EXOG: variants seen among roughly 807,000 people sequenced by gnomAD.
EXOG encodes the protein nuclease EXOG, mitochondrial.
A neutral mutation model predicts 25.8 loss-of-function variants in EXOG; 27 were observed. The ratio of observed to expected loss-of-function variants is 1.05; its 90% CI spans 0.77 to 1.45. EXOG has a LOEUF of 1.45. EXOG is among the 40% of genes most tolerant of loss of function. The pLI is 0.00. For synonymous variants in EXOG, 133 were observed against 167.0 expected (o/e 0.80, Z 1.57); for missense variants, 458 against 450.5 (o/e 1.02, Z -0.15).
At chr3:38,497,396 G>A (rs2059923270) in intron 1 of EXOG, 6 of 1,274,864 alleles carry the variant, frequency 4.7e-6, no homozygotes, top group Non-Finnish European at 5.9e-6. Context: ...TGCAGTAGCT[G>A]CATTTTATTC....
chr3:38,514,223 C>T (rs1265272411), intron 5 of EXOG, among the ~76,000 whole-genome samples: 1 of 152,216 alleles, frequency 6.6e-6, no homozygotes, highest in Non-Finnish European at 1.5e-5. Flanking sequence ...TTTTAAAGCA[C>T]ACACTGGCTT....
chr3:38,497,283 G>A (rs1174306291), intron 1 of EXOG: 5 of 1,036,534 alleles, frequency 4.8e-6, no homozygotes, highest in Non-Finnish European at 5.8e-6. Flanking sequence ...AACAGTACCA[G>A]TTTTACTGTC....
chr3:38,502,252 CAG>C (rs139310872), intron 3 of EXOG, among the ~76,000 whole-genome samples: 16,648 of 151,268 alleles, frequency 0.11, 1,467 homozygotes, highest in African/African-American at 0.22. Flanking sequence ...TAATTAGAGA[CAG>C]AGTCTCGCTT....
intron 4 of EXOG, among the ~76,000 whole-genome samples, chr3:38,504,645 A>G (rs1331356215): frequency 6.6e-6 from 1 of 152,102 alleles, no homozygotes; most frequent in Non-Finnish European, 1.5e-5. Flanking sequence ...TATGTTGGCC[A>G]GGCTAGTCTT....
In EXOG at chr3:38,514,933, G is replaced by T. The variant is rs1007189553; in HGVS notation, c.645+7965G>T. On this transcript the variant is annotated intron_variant, in intron 5 of 5. Transcript: ENST00000287675. Reference sequence around the variant, plus strand: ...TTACAGGCACCTGCCACCACATTTGGCTAATTTTTTATATTTTTAGTAGAG... The same window carrying T: ...TTACAGGCACCTGCCACCACATTTGTCTAATTTTTTATATTTTTAGTAGAG... Among the ~76,000 whole-genome samples the T allele has an allele frequency of 9.9e-5, 15 of 151,992 alleles. No individual in the cohort carries two copies. The South Asian group carries it at 1.7e-3, about 17-fold the overall frequency.
At chr3:38,523,257 C>T (rs1245770715) in intron 5 of EXOG, 2 of 1,286,326 alleles carry the variant, frequency 1.6e-6, no homozygotes, top group Admixed American at 2.3e-5. Context: ...GAGAAAATGA[C>T]AGCTTTTCTT....
chr3:38,502,966 C>T (rs2060093201), intron 3 of EXOG, among the ~76,000 whole-genome samples: 4 of 152,152 alleles, frequency 2.6e-5, no homozygotes, highest in Admixed American at 2.6e-4. Flanking sequence ...ACCTGAACCT[C>T]ATACTTACAA....
At chr3:38,506,036 T>C (rs938495767) in intron 4 of EXOG, among the ~76,000 whole-genome samples, 4 of 149,176 alleles carry the variant, frequency 2.7e-5, no homozygotes, top group African/African-American at 9.9e-5. Flanking sequence ...TACTTGCCAT[T>C]TGGGCACCTG....
chr3:38,516,350 A>G (rs1341971341), intron 5 of EXOG, among the ~76,000 whole-genome samples: 1 of 152,168 alleles, frequency 6.6e-6, no homozygotes, highest in Non-Finnish European at 1.5e-5. Flanking sequence ...CTTTGCTTTT[A>G]GCAGGTTAAT....
chr3:38,525,151 A>G lies in EXOG; in HGVS notation c.*789A>G, dbSNP rs999663813. On this transcript the variant is annotated 3_prime_UTR_variant, in exon 6 of 6. Coordinates refer to ENST00000287675, the MANE Select transcript of EXOG (RefSeq NM_005107.4). ...CTCAGTGCTTTACATGTGTTGTCTC[A>G]CAATGACTCTCTGAGGTAAATACAC... 18 of 923,394 alleles carry G rather than the reference A, an allele frequency of 1.9e-5. No homozygotes were observed. Among genetic ancestry groups the G allele is most frequent in the Admixed American group, 6.2e-5 (1 of 16,186 alleles). 57.2% of individuals were successfully genotyped at this position (923,394 alleles called of 1,614,324 possible).
chr3:38,500,322 G>A (rs1575609949), intron 2 of EXOG, among the ~76,000 whole-genome samples: 1 of 152,106 alleles, frequency 6.6e-6, no homozygotes, highest in African/African-American at 2.4e-5. Flanking sequence ...TTTTCTCAAG[G>A]AAGGTATCTT....
rs771911750 is a variant in EXOG, at chr3:38,506,954, ATAGT to A, written c.638_641del (p.Ser213ThrfsTer3). The A allele has an allele frequency of 4.3e-5, 64 of 1,488,694 alleles. No homozygotes were observed. Among genetic ancestry groups the A allele is most frequent in the African/African-American group, 2.6e-4 (19 of 72,570 alleles). 92.2% of individuals were successfully genotyped at this position (1,488,694 alleles called of 1,614,324 possible). A position where few individuals can be genotyped will look rare whatever the true frequency, so the allele number is the denominator to read the frequency against. ...TCAGACTAGAGGCGATGGAAAGAAA[ATAGT>A]TAGTTACCAGGTAAGGATGTTTAAT... On this transcript the variant is annotated frameshift_variant, in exon 5 of 6. Transcript: ENST00000287675. LOFTEE classifies it low-confidence loss of function (END_TRUNC).
At chr3:38,498,534 A>G (rs1324867744) in intron 2 of EXOG, among the ~76,000 whole-genome samples, 1 of 151,962 alleles carries the variant, frequency 6.6e-6, no homozygotes, top group African/African-American at 2.4e-5. Context: ...CAGCTTAGGC[A>G]ACAGAGGGAG....
intron 5 of EXOG, among the ~76,000 whole-genome samples, chr3:38,516,096 G>A (rs562005981): frequency 4.6e-5 from 7 of 152,004 alleles, no homozygotes; most frequent in African/African-American, 1.4e-4. Context: ...AGAAGTTCAC[G>A]GTAGTTCTTA....
At chr3:38,499,139 A>T (rs1467373497) in intron 2 of EXOG, 1 of 338,020 alleles carries the variant, frequency 3.0e-6, no homozygotes, top group Admixed American at 4.1e-5. Flanking sequence ...ATTTATTTGT[A>T]AAAGTTCTTT....
chr3:38,524,576 C>A lies in EXOG; in HGVS notation c.*214C>A. 1 of 1,251,200 alleles carries A rather than the reference C, an allele frequency of 8.0e-7. No homozygotes were observed. Among genetic ancestry groups the A allele is most frequent in the Non-Finnish European group, 1.0e-6 (1 of 984,876 alleles). The allele number at this position is 1,251,200 out of a possible 1,614,324, so 77.5% of individuals were successfully genotyped here. Reference sequence around the variant, plus strand: ...GCTTAAGCAATCCTCCTGCCTCTGCCCCCTGAGCAGCTGGGACTACAGGCA... The same window carrying A: ...GCTTAAGCAATCCTCCTGCCTCTGCACCCTGAGCAGCTGGGACTACAGGCA... On this transcript the variant is annotated 3_prime_UTR_variant, in exon 6 of 6. Transcript: ENST00000287675.
intron 3 of EXOG, 145 bp downstream of exon 3, chr3:38,501,639 C>T: frequency 1.5e-6 from 1 of 671,692 alleles, no homozygotes; most frequent in East Asian, 2.7e-5. Context: ...TATGTCTCTT[C>T]TTTCAATCAC....
intron 2 of EXOG, among the ~76,000 whole-genome samples, chr3:38,500,499 T>C (rs2060015194): frequency 6.6e-6 from 1 of 152,246 alleles, no homozygotes; most frequent in Non-Finnish European, 1.5e-5. Flanking sequence ...AAAAGCTACA[T>C]ATATGATACT....
intron 1 of EXOG, chr3:38,496,969 G>T: frequency 9.1e-7 from 1 of 1,095,808 alleles, no homozygotes; most frequent in Non-Finnish European, 1.1e-6. Context: ...CATAATTTTA[G>T]TAGATGAGTT....
Sources: allele counts gnomAD v4.1 joint callset (sites outside exome capture counted in the v4.1 genomes callset), GRCh38; gene constraint gnomAD v4.1.1; transcripts MANE v1.5; gene names NCBI Gene and HGNC (gene_info 2026-07-23, HGNC 2026-07-21).